Variants in STAU1 observed in about 807,000 individuals in gnomAD.
The protein encoded by STAU1 is double-stranded RNA-binding protein Staufen homolog 1.
Under a neutral mutation model 62.9 loss-of-function variants are expected in STAU1, and 13 were observed. That is an observed-to-expected ratio of 0.21 (90% confidence interval 0.13 to 0.33). STAU1 has a LOEUF of 0.33. STAU1 is among the 10% of genes least tolerant of loss of function. The probability of loss-of-function intolerance (pLI) is 1.00; values close to 1 mark genes in which losing one functional copy is unlikely to be tolerated. For synonymous variants in STAU1, 269 were observed against 265.1 expected (o/e 1.01, Z -0.14); for missense variants, 571 against 712.1 (o/e 0.80, Z 2.25).
the STAU1 span, among the ~76,000 whole-genome samples, chr20:49,202,703 C>T: frequency 2.0e-5 from 3 of 151,166 alleles, no homozygotes; most frequent in Non-Finnish European, 1.5e-5. Flanking sequence ...GCTTCAACAA[C>T]GTAGGGAAAC....
chr20:49,207,006 G>C, the STAU1 span, among the ~76,000 whole-genome samples: 1 of 151,332 alleles, frequency 6.6e-6, no homozygotes, highest in African/African-American at 2.4e-5. Context: ...CACCCGCCTT[G>C]GCCTCCCCAA....
At chr20:49,129,279 AATTTTTT>A (rs2092700125) in intron 6 of STAU1, among the ~76,000 whole-genome samples, 1 of 101,978 alleles carries the variant, frequency 9.8e-6, no homozygotes, top group South Asian at 3.1e-4. Context: ...TTTAAAAAAA[AATTTTTT>A]TTTTTTTTTT....
Position 49,186,112 on chromosome 20 carries a change from C to T in STAU1, c.-160+2004G>A, listed in dbSNP as rs1016668182. 2.0e-5 allele frequency among the ~76,000 whole-genome samples: 3 copies of T among 151,970 alleles called. No homozygotes were observed. The South Asian group carries it at 6.2e-4, about 32-fold the overall frequency. The stretch of plus-strand genomic sequence containing the variant: ...ACCGCGCCTAACCTGCTTATGGAGG[C>T]CTAGGAGGGTGGATCACGAGGTTAG... On this transcript the variant is annotated intron_variant, in intron 1 of 13. Transcript: ENST00000371856.
chr20:49,154,596 TG>T (rs1381501098), intron 3 of STAU1, among the ~76,000 whole-genome samples: 3 of 152,220 alleles, frequency 2.0e-5, no homozygotes, highest in African/African-American at 7.2e-5. Flanking sequence ...CCAGGCGTGG[TG>T]GCTCACGCCT....
intron 2 of STAU1, among the ~76,000 whole-genome samples, chr20:49,169,414 AG>A (rs778783251): frequency 6.6e-6 from 1 of 152,258 alleles, no homozygotes; most frequent in Non-Finnish European, 1.5e-5. Flanking sequence ...GCAGCCTTCA[AG>A]GAACTGTGGA....
intron 6 of STAU1, among the ~76,000 whole-genome samples, chr20:49,133,209 G>A (rs2092790416): frequency 6.6e-6 from 1 of 152,212 alleles, no homozygotes. Context: ...GAAGCAATCT[G>A]ACCCCAAATC....
intron 2 of STAU1, among the ~76,000 whole-genome samples, chr20:49,169,134 G>C (rs1178598699): frequency 6.6e-6 from 1 of 151,960 alleles, no homozygotes; most frequent in Non-Finnish European, 1.5e-5. Flanking sequence ...ATTTTTAGTA[G>C]AGACAGCGTT....
intron 2 of STAU1, among the ~76,000 whole-genome samples, chr20:49,168,710 A>G (rs1200056958): frequency 6.6e-6 from 1 of 152,134 alleles, no homozygotes; most frequent in Non-Finnish European, 1.5e-5. Flanking sequence ...CTCAAAAGGG[A>G]GCAATTTTGT....
intron 12 of STAU1, 103 bp from the exon 13 acceptor site, chr20:49,115,970 G>C: frequency 1.2e-6 from 1 of 851,428 alleles, no homozygotes; most frequent in Non-Finnish European, 1.9e-6. Flanking sequence ...CCAGCAAACA[G>C]GTGGCAACTT....
chr20:49,134,980 G>C (rs1054620769), intron 6 of STAU1: 17 of 1,602,922 alleles, frequency 1.1e-5, no homozygotes, highest in Non-Finnish European at 1.4e-5. Flanking sequence ...TGAAGAGACA[G>C]TTCATGAACA....
At chr20:49,152,249 T>C (rs1341132501) in intron 4 of STAU1, among the ~76,000 whole-genome samples, 1 of 151,928 alleles carries the variant, frequency 6.6e-6, no homozygotes, top group African/African-American at 2.4e-5. Flanking sequence ...TTCTTATCCA[T>C]TTCATAGCTT....
chr20:49,203,518 T>C, the STAU1 span, among the ~76,000 whole-genome samples: 1 of 152,198 alleles, frequency 6.6e-6, no homozygotes, highest in Non-Finnish European at 1.5e-5. Context: ...ATATGCTTTG[T>C]AATGGACATA....
At position 49,168,954 on chromosome 20, in the gene STAU1, A is replaced by AT. The variant is rs201860565; in HGVS notation, c.-84-2670dup. On this transcript the variant is annotated intron_variant, in intron 2 of 13. Transcript: ENST00000371856. ...GAAAGGCCCTAAAAAATAGATGCTA[A>AT]TTTTTTTTTTTTTTTTGAGACAGTC... 9.1e-3 allele frequency among the ~76,000 whole-genome samples: 1,307 copies of AT among 143,672 alleles called. 10 individuals are homozygous for AT. The highest frequency in any genetic ancestry group is 0.021 in the African/African-American group (840 of 39,414). 94.3% of individuals were successfully genotyped at this position (143,672 alleles called of 152,430 possible).
the STAU1 span, among the ~76,000 whole-genome samples, chr20:49,207,691 A>T: frequency 6.7e-6 from 1 of 148,934 alleles, no homozygotes; most frequent in South Asian, 2.1e-4. Context: ...AATTTTTTGT[A>T]TTTTTTTTTT....
chr20:49,181,288 A>G (rs2093721231), intron 1 of STAU1, among the ~76,000 whole-genome samples: 1 of 152,192 alleles, frequency 6.6e-6, no homozygotes, highest in South Asian at 2.1e-4. Context: ...AACCTGGCAC[A>G]TGGTAAGAGC....
chr20:49,150,366 A>ATT (rs11475781), intron 5 of STAU1, among the ~76,000 whole-genome samples: 1 of 145,160 alleles, frequency 6.9e-6, no homozygotes, highest in Non-Finnish European at 1.5e-5. Flanking sequence ...TTTTACCTCC[A>ATT]TTTTTTTTTT....
At chr20:49,168,826 T>C (rs1285193022) in intron 2 of STAU1, among the ~76,000 whole-genome samples, 1 of 152,160 alleles carries the variant, frequency 6.6e-6, no homozygotes, top group Non-Finnish European at 1.5e-5. Context: ...GAGCCAGGGA[T>C]ACTGTTACAA....
chr20:49,118,434 A>G, intron 9 of STAU1, 26 bp from the exon 10 acceptor site: 1 of 1,540,420 alleles, frequency 6.5e-7, no homozygotes, highest in South Asian at 1.2e-5. Flanking sequence ...GAAAAAAAAA[A>G]GGCCATGAGC....
chr20:49,151,882 A>G (rs2093257484), intron 4 of STAU1, 135 bp from the exon 5 acceptor site: 2 of 735,348 alleles, frequency 2.7e-6, no homozygotes, highest in Non-Finnish European at 4.2e-6. Flanking sequence ...CTCTTCATCA[A>G]TATATCCAGA....
Sources: gnomAD v4.1 joint callset for allele counts (sites outside exome capture counted in the v4.1 genomes callset) on GRCh38, gnomAD v4.1.1 for gene constraint, MANE v1.5 for transcripts, NCBI Gene and HGNC (gene_info 2026-07-23, HGNC 2026-07-21) for gene names.